Variants in FBXL17 observed in about 807,000 individuals in gnomAD.
FBXL17 encodes F-box/LRR-repeat protein 17.
Under a neutral mutation model 66.2 loss-of-function variants are expected in FBXL17, and 22 were observed. The ratio of observed to expected loss-of-function variants is 0.33; its 90% CI spans 0.24 to 0.47. The LOEUF (loss-of-function observed/expected upper bound fraction) is 0.47, where lower values mean the gene tolerates loss of function less well. FBXL17 is among the 20% of genes least tolerant of loss of function. FBXL17 has a pLI of 1.00. For synonymous variants in FBXL17, 474 were observed against 400.5 expected (o/e 1.18, Z -2.19); for missense variants, 878 against 948.2 (o/e 0.93, Z 0.97).
chr5:108,354,435 T>C (rs899338496), intron 3 of FBXL17, among the ~76,000 whole-genome samples: 1 of 150,510 alleles, frequency 6.6e-6, no homozygotes, highest in South Asian at 2.1e-4. Flanking sequence ...GTTCCAAAAC[T>C]GAAAATCAGG....
chr5:108,315,230 TAG>T (rs1368977137), intron 4 of FBXL17, among the ~76,000 whole-genome samples: 1 of 151,110 alleles, frequency 6.6e-6, no homozygotes, highest in Non-Finnish European at 1.5e-5. Context: ...TAAAATCTAT[TAG>T]ATCTATGAAA....
intron 4 of FBXL17, among the ~76,000 whole-genome samples, chr5:108,326,690 C>G (rs1304999839): frequency 6.6e-6 from 1 of 152,002 alleles, no homozygotes. Context: ...AAAAGGTACT[C>G]AATATCATTA....
intron 8 of FBXL17, chr5:107,879,080 A>C (rs1748700004): frequency 1.0e-6 from 1 of 985,372 alleles, no homozygotes; most frequent in East Asian, 1.1e-4. Flanking sequence ...AAAATCAGCA[A>C]AATGCTGGTC....
chr5:108,073,072 C>T (rs1748402999), intron 6 of FBXL17, among the ~76,000 whole-genome samples: 1 of 152,020 alleles, frequency 6.6e-6, no homozygotes, highest in Non-Finnish European at 1.5e-5. Flanking sequence ...GTCAGAAAGG[C>T]TATATTTTAA....
chr5:108,011,448 T>C (rs944825753), intron 7 of FBXL17, among the ~76,000 whole-genome samples: 1 of 152,262 alleles, frequency 6.6e-6, no homozygotes, highest in Non-Finnish European at 1.5e-5. Flanking sequence ...AAAGCCACAC[T>C]GAAGAGGGAT....
At chr5:107,912,670 C>T (rs1222341181) in intron 7 of FBXL17, among the ~76,000 whole-genome samples, 2 of 152,106 alleles carry the variant, frequency 1.3e-5, no homozygotes, top group Non-Finnish European at 2.9e-5. Flanking sequence ...AGTATGACCA[C>T]TACGAAAGTG....
chr5:108,142,071 G>A (rs754641313), intron 6 of FBXL17, among the ~76,000 whole-genome samples: 1 of 152,136 alleles, frequency 6.6e-6, no homozygotes, highest in Non-Finnish European at 1.5e-5. Context: ...TAAATCCCTG[G>A]CACTTAAAAG....
intron 7 of FBXL17, among the ~76,000 whole-genome samples, chr5:107,914,451 A>G (rs1037659977): frequency 2.0e-5 from 3 of 152,188 alleles, no homozygotes; most frequent in Non-Finnish European, 4.4e-5. Flanking sequence ...GGTGCAAGGA[A>G]TATTTGCTGC....
chr5:108,038,892 A>C (rs1006623154), intron 6 of FBXL17, among the ~76,000 whole-genome samples: 1 of 152,092 alleles, frequency 6.6e-6, no homozygotes, highest in Non-Finnish European at 1.5e-5. Flanking sequence ...CCTTGATGAT[A>C]TACTCGGGGT....
At chr5:107,996,151 CTTT>C (rs1460650493) in intron 7 of FBXL17, among the ~76,000 whole-genome samples, 3 of 152,116 alleles carry the variant, frequency 2.0e-5, no homozygotes, top group African/African-American at 7.2e-5. Context: ...ATTTTTTTCC[CTTT>C]GTTTCATACA....
At chr5:107,945,993 T>C (rs981163521) in intron 7 of FBXL17, among the ~76,000 whole-genome samples, 7 of 151,810 alleles carry the variant, frequency 4.6e-5, no homozygotes, top group African/African-American at 1.5e-4. Context: ...TTCCAGTGCA[T>C]TGAAATAGAG....
intron 6 of FBXL17, among the ~76,000 whole-genome samples, chr5:108,154,784 T>C (rs900607104): frequency 6.7e-6 from 1 of 150,064 alleles, no homozygotes; most frequent in African/African-American, 2.5e-5. Flanking sequence ...AGAGGAACCA[T>C]GAAGGAGACC....
At chr5:107,923,827 A>T (rs1750405116) in intron 7 of FBXL17, among the ~76,000 whole-genome samples, 1 of 152,160 alleles carries the variant, frequency 6.6e-6, no homozygotes, top group Admixed American at 6.6e-5. Flanking sequence ...TGACACTGGC[A>T]TATTACGAAC....
At chr5:108,255,127 C>T (rs939306522) in intron 4 of FBXL17, among the ~76,000 whole-genome samples, 1 of 152,122 alleles carries the variant, frequency 6.6e-6, no homozygotes, top group African/African-American at 2.4e-5. Flanking sequence ...TACATACATA[C>T]ACACATAATT....
chr5:108,264,245 C>G (rs1052245430), intron 4 of FBXL17, among the ~76,000 whole-genome samples: 9 of 128,772 alleles, frequency 7.0e-5, no homozygotes, highest in Non-Finnish European at 1.7e-5. Flanking sequence ...AAAAAAATCT[C>G]TACTTTAAAC....
chr5:108,197,529 T>C (rs1424112696), intron 5 of FBXL17, among the ~76,000 whole-genome samples: 1 of 152,130 alleles, frequency 6.6e-6, no homozygotes. Context: ...AGTTTTATAA[T>C]CTTATTTTTT....
chr5:107,879,044 G>A (rs2112497976), intron 8 of FBXL17: 1 of 985,438 alleles, frequency 1.0e-6, no homozygotes, highest in Non-Finnish European at 1.2e-6. Flanking sequence ...TTGCATTTGG[G>A]TAGAAAATAA....
intron 4 of FBXL17, among the ~76,000 whole-genome samples, chr5:108,240,601 A>G (rs115690829): frequency 0.025 from 3,769 of 152,268 alleles, 150 homozygotes; most frequent in African/African-American, 0.085. Flanking sequence ...ACCAGATGTC[A>G]TCTCTGGATG....
intron 4 of FBXL17, among the ~76,000 whole-genome samples, chr5:108,329,484 G>T (rs1261758413): frequency 6.6e-6 from 1 of 152,070 alleles, no homozygotes; most frequent in African/African-American, 2.4e-5. Flanking sequence ...GGATACAGTG[G>T]ACAATGTCCT....
Sources: allele counts gnomAD v4.1 joint callset (sites outside exome capture counted in the v4.1 genomes callset), GRCh38; gene constraint gnomAD v4.1.1; transcripts MANE v1.5; gene names NCBI Gene and HGNC (gene_info 2026-07-23, HGNC 2026-07-21).